ADGRL2: variants seen among roughly 807,000 people sequenced by gnomAD.
The protein encoded by ADGRL2 is calcium-independent alpha-latrotoxin receptor 2.
Under a neutral mutation model 157.4 loss-of-function variants are expected in ADGRL2, and 44 were observed. That is an observed-to-expected ratio of 0.28 (90% confidence interval 0.22 to 0.36). The LOEUF is 0.36. Ranked by LOEUF, ADGRL2 falls within the 10% of genes least tolerant of loss-of-function variation. The pLI is 1.00. For synonymous variants in ADGRL2, 585 were observed against 624.7 expected, an observed-to-expected ratio of 0.94 and a Z score of 0.95; for missense variants, 1,510 against 1,768.9, an observed-to-expected ratio of 0.85 and a Z score of 2.63.
intron 2 of ADGRL2, among the ~76,000 whole-genome samples, chr1:81,464,988 C>T (rs2078023550): frequency 6.6e-6 from 1 of 150,916 alleles, no homozygotes; most frequent in Non-Finnish European, 1.5e-5. Context: ...AAGTGTAGGA[C>T]CACTAAGAAC....
At chr1:81,459,305 C>T (rs969836241) in intron 2 of ADGRL2, among the ~76,000 whole-genome samples, 26 of 152,150 alleles carry the variant, frequency 1.7e-4, no homozygotes, top group African/African-American at 6.3e-4. Context: ...TGTCTGTCTC[C>T]TGTTGCTATT....
At chr1:81,986,548 T>C (rs1023988793) in intron 21 of ADGRL2, among the ~76,000 whole-genome samples, 1 of 152,080 alleles carries the variant, frequency 6.6e-6, no homozygotes, top group Non-Finnish European at 1.5e-5. Context: ...AGTGGTTACG[T>C]TTTTAATATT....
intron 1 of ADGRL2, among the ~76,000 whole-genome samples, chr1:81,719,079 A>G (rs1043171400): frequency 6.6e-6 from 1 of 152,232 alleles, no homozygotes; most frequent in Non-Finnish European, 1.5e-5. Flanking sequence ...GATTAAAAAC[A>G]CTTTTCTCCC....
chr1:81,810,991 T>A (rs1439519240), intron 1 of ADGRL2, among the ~76,000 whole-genome samples: 1 of 151,864 alleles, frequency 6.6e-6, no homozygotes, highest in Admixed American at 6.6e-5. Context: ...TAAATAGGAA[T>A]GTTCTCCCAC....
chr1:81,895,932 G>A (rs2094378666), intron 2 of ADGRL2, among the ~76,000 whole-genome samples: 1 of 152,010 alleles, frequency 6.6e-6, no homozygotes, highest in African/African-American at 2.4e-5. Flanking sequence ...TAGCAATGTT[G>A]GAGTGACTCA....
chr1:81,321,008 T>C (rs927938127), intron 1 of ADGRL2, among the ~76,000 whole-genome samples: 2 of 152,194 alleles, frequency 1.3e-5, no homozygotes, highest in African/African-American at 2.4e-5. Flanking sequence ...TTGAATATCT[T>C]TTTAGCATAG....
intron 2 of ADGRL2, among the ~76,000 whole-genome samples, chr1:81,890,993 C>G (rs900439004): frequency 2.0e-5 from 3 of 152,066 alleles, no homozygotes; most frequent in Non-Finnish European, 4.4e-5. Flanking sequence ...TTCATTAGCT[C>G]TCTTATTACT....
At chr1:81,422,452 G>C (rs11163283) in intron 1 of ADGRL2, among the ~76,000 whole-genome samples, 70,872 of 151,974 alleles carry the variant, frequency 0.47, 17,180 homozygotes, top group Non-Finnish European at 0.54. Flanking sequence ...ACCATGTTGG[G>C]CAGGCTGGTC....
chr1:81,888,634 G>A (rs1413181919), intron 2 of ADGRL2, among the ~76,000 whole-genome samples: 1 of 151,928 alleles, frequency 6.6e-6, no homozygotes, highest in Admixed American at 6.6e-5. Context: ...AGTAGAGACG[G>A]GGTTTCACCT....
At chr1:81,515,848 A>G (rs140127970) in intron 2 of ADGRL2, among the ~76,000 whole-genome samples, 19 of 152,218 alleles carry the variant, frequency 1.2e-4, no homozygotes, top group African/African-American at 2.9e-4. Context: ...AGATTATGCT[A>G]TATGTTTTTA....
intron 2 of ADGRL2, among the ~76,000 whole-genome samples, chr1:81,901,818 A>T (rs1428130059): frequency 1.3e-5 from 2 of 152,168 alleles, no homozygotes; most frequent in Non-Finnish European, 2.9e-5. Context: ...TATCCCTTGA[A>T]GTTTTCAGGA....
chr1:81,467,224 A>G (rs775619476), intron 2 of ADGRL2, among the ~76,000 whole-genome samples: 2 of 152,160 alleles, frequency 1.3e-5, no homozygotes, highest in Non-Finnish European at 2.9e-5. Flanking sequence ...GCTTTGAGAA[A>G]GGGCACTGCT....
chr1:81,937,326 A>G (rs182497690), intron 4 of ADGRL2, among the ~76,000 whole-genome samples: 192 of 151,964 alleles, frequency 1.3e-3, no homozygotes, highest in African/African-American at 4.4e-3. Flanking sequence ...GCATTTCTTT[A>G]TGGGATTCAG....
intron 1 of ADGRL2, among the ~76,000 whole-genome samples, chr1:81,317,977 A>T (rs1437723086): frequency 6.6e-6 from 1 of 152,200 alleles, no homozygotes; most frequent in Admixed American, 6.5e-5. Flanking sequence ...AAATGCATAC[A>T]CATAACCAAA....
chr1:81,895,621 C>G (rs2094369332), intron 2 of ADGRL2, among the ~76,000 whole-genome samples: 1 of 152,006 alleles, frequency 6.6e-6, no homozygotes, highest in African/African-American at 2.4e-5. Context: ...TCTCAAACTC[C>G]TGACCTCAGG....
chr1:81,681,662 A>G (rs1191822830), intron 3 of ADGRL2, among the ~76,000 whole-genome samples: 1 of 152,220 alleles, frequency 6.6e-6, no homozygotes, highest in African/African-American at 2.4e-5. Flanking sequence ...AGTTTTCATT[A>G]ACATCTTGCA....
chr1:81,324,032 A>T (rs1268238263), intron 1 of ADGRL2, among the ~76,000 whole-genome samples: 1 of 152,170 alleles, frequency 6.6e-6, no homozygotes, highest in Non-Finnish European at 1.5e-5. Flanking sequence ...AAGCAGAGTG[A>T]GGCAGGAAGA....
At chr1:81,841,717 T>C (rs773565403) in intron 2 of ADGRL2, among the ~76,000 whole-genome samples, 1 of 152,180 alleles carries the variant, frequency 6.6e-6, no homozygotes, top group Non-Finnish European at 1.5e-5. Context: ...GTATGCTAGT[T>C]TCATAAGGGC....
intron 3 of ADGRL2, among the ~76,000 whole-genome samples, chr1:81,600,328 T>A (rs1276278185): frequency 6.6e-6 from 1 of 152,238 alleles, no homozygotes; most frequent in African/African-American, 2.4e-5. Context: ...TCTAGAAGAA[T>A]CTCAGTGGCT....
Sources: allele counts gnomAD v4.1 joint callset (sites outside exome capture counted in the v4.1 genomes callset), GRCh38; gene constraint gnomAD v4.1.1; transcripts MANE v1.5; gene names NCBI Gene and HGNC (gene_info 2026-07-23, HGNC 2026-07-21).